DPP6: variants seen among roughly 807,000 people sequenced by gnomAD.
DPP6 encodes the protein A-type potassium channel modulatory protein DPP6.
A neutral mutation model predicts 122.6 loss-of-function variants in DPP6; 69 were observed. The observed-to-expected ratio is 0.56, with a 90% CI of 0.46 to 0.69. The LOEUF (loss-of-function observed/expected upper bound fraction) is 0.69. Ranked by LOEUF, DPP6 falls within the 30% of genes least tolerant of loss-of-function variation. DPP6 has a pLI of 0.00. For synonymous variants in DPP6, 418 were observed against 433.1 expected (o/e 0.97, Z 0.43); for missense variants, 928 against 1,116.9 (o/e 0.83, Z 2.41).
intron 1 of DPP6, among the ~76,000 whole-genome samples, chr7:154,343,580 T>A (rs1202018470): frequency 6.6e-6 from 1 of 152,146 alleles, no homozygotes; most frequent in Non-Finnish European, 1.5e-5. Context: ...TTCTTGTTTT[T>A]GTTTTAGTTT....
chr7:154,637,110 C>A lies in DPP6; in HGVS notation c.628-711C>A, dbSNP rs573606064. 2.6e-5 allele frequency among the ~76,000 whole-genome samples: 4 copies of A among 152,240 alleles called. No individual in the cohort carries two copies. In the South Asian group the frequency reaches 8.3e-4, roughly 32 times the overall value. On this transcript the variant is annotated intron_variant, in intron 5 of 25. Transcript: ENST00000377770. ...CTTCTCCCTTCTTTTGGGTAACCCT[C>A]GAATTCTGCTTATGGTTATCTATGG... is the stretch of plus-strand genomic sequence containing the variant.
At chr7:154,402,437 T>C (rs1223366903) in intron 1 of DPP6, among the ~76,000 whole-genome samples, 8 of 150,744 alleles carry the variant, frequency 5.3e-5, no homozygotes, top group Admixed American at 5.3e-4. Flanking sequence ...GATGAGTTCA[T>C]GTCCTTTGTA....
At chr7:153,936,843 C>T (rs1200189596) in intron 1 of DPP6, among the ~76,000 whole-genome samples, 4 of 151,808 alleles carry the variant, frequency 2.6e-5, no homozygotes, top group African/African-American at 9.7e-5. Flanking sequence ...GGAAGTGACG[C>T]GTGACCCTTC....
At chr7:154,752,234 A>C (rs1843431704) in intron 8 of DPP6, among the ~76,000 whole-genome samples, 1 of 152,234 alleles carries the variant, frequency 6.6e-6, no homozygotes. Context: ...GTGTAAGTAC[A>C]TCAAAGCATA....
At chr7:154,625,314 G>C (rs1251515766) in intron 5 of DPP6, among the ~76,000 whole-genome samples, 3 of 147,734 alleles carry the variant, frequency 2.0e-5, no homozygotes, top group Non-Finnish European at 4.6e-5. Flanking sequence ...TACACACACA[G>C]ACACTTTTTT....
At chr7:154,559,908 A>G (rs773974168) in intron 4 of DPP6, among the ~76,000 whole-genome samples, 4 of 144,200 alleles carry the variant, frequency 2.8e-5, no homozygotes, top group African/African-American at 5.0e-5. Context: ...TTTTTCTCTT[A>G]AAAAAAATAA....
At chr7:154,119,254 C>T (rs1400830082) in intron 1 of DPP6, among the ~76,000 whole-genome samples, 10 of 152,132 alleles carry the variant, frequency 6.6e-5, no homozygotes, top group East Asian at 3.8e-4. Context: ...AGGTTTTCAT[C>T]GTGTAACTGA....
At chr7:154,362,129 A>G (rs1811779635) in intron 1 of DPP6, among the ~76,000 whole-genome samples, 1 of 152,224 alleles carries the variant, frequency 6.6e-6, no homozygotes, top group African/African-American at 2.4e-5. Context: ...AAACACATAA[A>G]GTAACTCAGC....
At chr7:154,137,658 T>TGGGGGGGGGGGGGGGGG (rs1163077821) in intron 1 of DPP6, among the ~76,000 whole-genome samples, 1 of 48,384 alleles carries the variant, frequency 2.1e-5, no homozygotes, top group Non-Finnish European at 4.2e-5. Flanking sequence ...GGTGGGGGGG[T>TGGGGGGGGGGGGGGGGG]GGGGGGGGTG....
intron 16 of DPP6, among the ~76,000 whole-genome samples, chr7:154,836,987 G>A (rs1194151717): frequency 2.0e-5 from 3 of 152,244 alleles, no homozygotes; most frequent in African/African-American, 7.2e-5. Context: ...GATTACAGGA[G>A]TGAGCCACTG....
At chr7:153,808,369 A>G in the DPP6 span, among the ~76,000 whole-genome samples, 4 of 132,950 alleles carry the variant, frequency 3.0e-5, no homozygotes, top group African/African-American at 2.9e-5. Flanking sequence ...GCATGCCTGT[A>G]TGTGTGCCTG....
At chr7:154,701,368 T>C (rs1161685062) in intron 7 of DPP6, among the ~76,000 whole-genome samples, 1 of 152,220 alleles carries the variant, frequency 6.6e-6, no homozygotes, top group Non-Finnish European at 1.5e-5. Context: ...CTATACCTTT[T>C]TTAAAGTATA....
chr7:154,413,708 C>G (rs1226925468), intron 1 of DPP6, among the ~76,000 whole-genome samples: 1 of 152,038 alleles, frequency 6.6e-6, no homozygotes, highest in East Asian at 1.9e-4. Flanking sequence ...ATGTGTGAGT[C>G]AAATTCTTTC....
At chr7:154,765,012 A>G (rs1430556435) in intron 8 of DPP6, among the ~76,000 whole-genome samples, 1 of 152,122 alleles carries the variant, frequency 6.6e-6, no homozygotes, top group East Asian at 1.9e-4. Flanking sequence ...CCCACCTCCC[A>G]ACACCTCCAC....
intron 1 of DPP6, among the ~76,000 whole-genome samples, chr7:154,420,866 G>A (rs1217024385): frequency 2.0e-5 from 3 of 152,058 alleles, no homozygotes; most frequent in African/African-American, 7.2e-5. Flanking sequence ...TGCAAAATGA[G>A]TAAGTTCTAC....
intron 1 of DPP6, among the ~76,000 whole-genome samples, chr7:153,904,209 G>A (rs1197177295): frequency 1.3e-5 from 2 of 152,120 alleles, no homozygotes; most frequent in South Asian, 4.2e-4. Context: ...GCACCACTAT[G>A]CCTGGCTAAT....
intron 1 of DPP6, among the ~76,000 whole-genome samples, chr7:154,000,275 C>A (rs1797631619): frequency 6.6e-6 from 1 of 152,188 alleles, no homozygotes; most frequent in Non-Finnish European, 1.5e-5. Context: ...CCCCCAAAAC[C>A]TGTAAAACTC....
chr7:154,264,150 A>G (rs529793050), intron 1 of DPP6, among the ~76,000 whole-genome samples: 1 of 152,348 alleles, frequency 6.6e-6, no homozygotes, highest in South Asian at 2.1e-4. Context: ...GGCCTTTTCA[A>G]AGAGTGTGAG....
At chr7:154,376,572 C>T (rs889244414) in intron 1 of DPP6, among the ~76,000 whole-genome samples, 19 of 152,122 alleles carry the variant, frequency 1.2e-4, no homozygotes, top group Admixed American at 5.2e-4. Context: ...ATATGTGAAC[C>T]GAATGAGAAA....
Sources: gnomAD v4.1 joint callset for allele counts (sites outside exome capture counted in the v4.1 genomes callset) on GRCh38, gnomAD v4.1.1 for gene constraint, MANE v1.5 for transcripts, NCBI Gene and HGNC (gene_info 2026-07-23, HGNC 2026-07-21) for gene names.